The following PODXL variants were observed in gnomAD, a reference collection of about 807,000 sequenced individuals.
PODXL encodes podocalyxin like, also known as podocalyxin.
PODXL carries 20 observed loss-of-function variants against 48.9 expected under a neutral mutation model. That is an observed-to-expected ratio of 0.41 (90% CI 0.29 to 0.59). PODXL has a LOEUF of 0.59. Ranked by LOEUF, PODXL falls within the 20% of genes least tolerant of loss-of-function variation. The pLI is 0.31. For synonymous variants in PODXL, 295 were observed against 287.4 expected, an observed-to-expected ratio of 1.03 and a Z score of -0.27; for missense variants, 606 against 675.1, an observed-to-expected ratio of 0.90 and a Z score of 1.13.
chr7:131,523,711 G>T (rs112359711), intron 1 of PODXL, among the ~76,000 whole-genome samples: 7,723 of 132,342 alleles, frequency 0.058, 284 homozygotes, highest in Non-Finnish European at 0.085. Context: ...AACAAGAAAA[G>T]AAAAAGAAAA....
intron 1 of PODXL, among the ~76,000 whole-genome samples, chr7:131,543,378 G>A (rs1019942070): frequency 6.6e-5 from 10 of 152,092 alleles, no homozygotes; most frequent in South Asian, 2.1e-4. Context: ...CTCCTGCCTC[G>A]GCCTCCCAAA....
intron 1 of PODXL, among the ~76,000 whole-genome samples, chr7:131,532,202 G>A (rs1424108145): frequency 1.3e-5 from 2 of 150,928 alleles, no homozygotes; most frequent in African/African-American, 2.4e-5. Flanking sequence ...TTGGGAGGCC[G>A]AGGAGGGTGG....
chr7:131,516,725 CTTTT>C (rs1192943739), intron 1 of PODXL, among the ~76,000 whole-genome samples: 70 of 107,526 alleles, frequency 6.5e-4, no homozygotes, highest in Non-Finnish European at 8.6e-4. Context: ...GACTGTGGTG[CTTTT>C]TTTTCTCTTT....
chr7:131,546,914 C>G (rs535955252), intron 1 of PODXL, among the ~76,000 whole-genome samples: 10 of 152,092 alleles, frequency 6.6e-5, no homozygotes, highest in Non-Finnish European at 1.0e-4. Flanking sequence ...CCAACTAACC[C>G]TGCCTCCCCG....
At chr7:131,540,497 C>T (rs369935210) in intron 1 of PODXL, among the ~76,000 whole-genome samples, 29 of 152,050 alleles carry the variant, frequency 1.9e-4, no homozygotes, top group African/African-American at 5.3e-4. Context: ...GGGTCTGCAC[C>T]GACCCGCACC....
intron 1 of PODXL, among the ~76,000 whole-genome samples, chr7:131,516,446 G>C (rs1797997191): frequency 6.6e-6 from 1 of 152,146 alleles, no homozygotes. Context: ...GGCTGAGGCA[G>C]GAGAATTGCT....
intron 1 of PODXL, among the ~76,000 whole-genome samples, chr7:131,537,880 CGTG>C (rs1267251939): frequency 6.6e-6 from 1 of 152,190 alleles, no homozygotes; most frequent in Non-Finnish European, 1.5e-5. Context: ...TCATCCTTCT[CGTG>C]GTGTGCGGTC....
chr7:131,544,121 T>C (rs1373695234), intron 1 of PODXL, among the ~76,000 whole-genome samples: 1 of 152,230 alleles, frequency 6.6e-6, no homozygotes, highest in Non-Finnish European at 1.5e-5. Context: ...ACAGAGGATC[T>C]GTTTCTTTTG....
Position 131,503,225 on chromosome 7 carries a change from T to A in PODXL, c.*1086A>T. 1 of 152,684 alleles carries A rather than the reference T, an allele frequency of 6.5e-6. No homozygotes were observed. Among genetic ancestry groups the A allele is most frequent in the Non-Finnish European group, 1.5e-5 (1 of 68,078 alleles). 9.5% of individuals were successfully genotyped at this position (152,684 alleles called of 1,614,324 possible). ...TTCCTGGCTGCTTTAATGGATTGTC[T>A]CTGAAGACACATCGCTGATGGGGGG... On this transcript the variant is annotated 3_prime_UTR_variant, in exon 9 of 9. Transcript: ENST00000378555.
At chr7:131,539,903 T>C (rs769392310) in intron 1 of PODXL, among the ~76,000 whole-genome samples, 1 of 152,132 alleles carries the variant, frequency 6.6e-6, no homozygotes, top group Admixed American at 6.5e-5. Context: ...CTAAGAGCAG[T>C]TTATCCTCAT....
chr7:131,532,929 G>A (rs901176109), intron 1 of PODXL, among the ~76,000 whole-genome samples: 1 of 152,116 alleles, frequency 6.6e-6, no homozygotes, highest in Non-Finnish European at 1.5e-5. Flanking sequence ...TGACCATGCC[G>A]GAACCCTGAT....
chr7:131,524,964 C>T (rs574101601), intron 1 of PODXL, among the ~76,000 whole-genome samples: 1 of 152,108 alleles, frequency 6.6e-6, no homozygotes, highest in South Asian at 2.1e-4. Context: ...ATACATTTTG[C>T]TAAGTGAAGG....
At chr7:131,526,954 G>T (rs1012926266) in intron 1 of PODXL, among the ~76,000 whole-genome samples, 6 of 151,956 alleles carry the variant, frequency 3.9e-5, no homozygotes, top group African/African-American at 1.5e-4. Context: ...GGCCAGGATG[G>T]TCTCAAACTC....
chr7:131,523,703 CAAGAA>C (rs1562909386), intron 1 of PODXL, among the ~76,000 whole-genome samples: 1 of 69,606 alleles, frequency 1.4e-5, no homozygotes, highest in East Asian at 7.4e-4. Flanking sequence ...AAAAAAAAAA[CAAGAA>C]AAGAAAAAGA....
At chr7:131,516,753 T>TTTTTTTA (rs1798003996) in intron 1 of PODXL, among the ~76,000 whole-genome samples, 1 of 149,844 alleles carries the variant, frequency 6.7e-6, no homozygotes, top group Non-Finnish European at 1.5e-5. Context: ...TTTTTTTTTT[T>TTTTTTTA]GAGACAGGGT....
At chr7:131,520,201 G>A (rs1798070398) in intron 1 of PODXL, 2 of 351,074 alleles carry the variant, frequency 5.7e-6, no homozygotes, top group Non-Finnish European at 1.1e-5. Flanking sequence ...GTGGTGACCC[G>A]AGAATGCACC....
At position 131,506,550 on chromosome 7, in the gene PODXL, C is replaced by T. The variant is rs373797993; in HGVS notation, c.1249+29G>A. ...CCCCCATTCCCACCCATGCAGGCCCCAGCCCAGGCCCCCTTGCCCTCCACT... is the reference window on the plus strand; with the variant it reads ...CCCCCATTCCCACCCATGCAGGCCCTAGCCCAGGCCCCCTTGCCCTCCACT... On this transcript the variant is annotated intron_variant, in intron 6 of 8. Coordinates refer to ENST00000378555, the MANE Select transcript of PODXL (RefSeq NM_001018111.3). The T allele has an allele frequency of 4.2e-5, 67 of 1,610,184 alleles. No homozygotes were observed. The African/African-American group carries it at 7.9e-4, about 19-fold the overall frequency.
intron 1 of PODXL, among the ~76,000 whole-genome samples, chr7:131,540,839 G>A (rs766331792): frequency 5.9e-5 from 9 of 152,186 alleles, no homozygotes; most frequent in East Asian, 3.9e-4. Context: ...GGGAAGTCCC[G>A]CATGCATGGC....
rs557149325 is a variant in PODXL at position 131,509,190 on chromosome 7, G to A, written c.1024-162C>T. The A allele has an allele frequency of 1.5e-5, 12 of 821,362 alleles. No homozygotes were observed. The East Asian group carries it at 2.6e-4, about 18-fold the overall frequency. The allele number at this position is 821,362 out of a possible 1,614,324, so 50.9% of individuals were successfully genotyped here. On this transcript the variant is annotated intron_variant, in intron 4 of 8. Coordinates refer to ENST00000378555, the MANE Select transcript of PODXL (RefSeq NM_001018111.3). ...GGTATGTCCTGGCTGCGTGGCTTGA[G>A]GGCAGCTCAAGCCAGGACCAGGCTA...
Sources: gnomAD v4.1 joint callset for allele counts (sites outside exome capture counted in the v4.1 genomes callset) on GRCh38, gnomAD v4.1.1 for gene constraint, MANE v1.5 for transcripts, NCBI Gene and HGNC (gene_info 2026-07-23, HGNC 2026-07-21) for gene names.